The following CSMD1 variants were observed in gnomAD, a reference collection of about 807,000 sequenced individuals.
CSMD1 encodes the protein CUB and Sushi multiple domains 1, also known as CUB and sushi domain-containing protein 1.
A neutral mutation model predicts 417.5 loss-of-function variants in CSMD1; 213 were observed. The observed-to-expected ratio is 0.51, with a 90% CI of 0.46 to 0.57. CSMD1 has a LOEUF of 0.57. CSMD1 is among the 20% of genes least tolerant of loss of function. The probability of loss-of-function intolerance (pLI) is 0.00; values close to 1 mark genes in which losing one functional copy is unlikely to be tolerated. For missense variants in CSMD1, 6,923 were observed against 4,529.7 expected, an observed-to-expected ratio of 1.53 and a Z score of -15.17; for synonymous variants, 2,862 against 1,736.8, an observed-to-expected ratio of 1.65 and a Z score of -16.11.
chr8:3,349,995 G>C (rs115119892), intron 21 of CSMD1, among the ~76,000 whole-genome samples: 12 of 141,224 alleles, frequency 8.5e-5, no homozygotes, highest in African/African-American at 2.9e-4. Context: ...ACTTGTGTAT[G>C]TGTTATAATA....
intron 15 of CSMD1, among the ~76,000 whole-genome samples, chr8:3,404,332 C>G (rs1812222016): frequency 7.4e-5 from 1 of 13,590 alleles, no homozygotes; most frequent in Non-Finnish European, 1.5e-4. Context: ...CAGACGCTAT[C>G]TCAAAAAAAA....
intron 1 of CSMD1, among the ~76,000 whole-genome samples, chr8:4,765,371 T>A (rs1812396527): frequency 1.3e-5 from 2 of 152,186 alleles, no homozygotes; most frequent in Admixed American, 1.3e-4. Flanking sequence ...AAGAAGCACA[T>A]CATCGGATTG....
At chr8:3,565,159 A>AAAAAAG (rs1554471702) in intron 10 of CSMD1, among the ~76,000 whole-genome samples, 1 of 138,024 alleles carries the variant, frequency 7.2e-6, no homozygotes, top group Admixed American at 7.8e-5. Context: ...AAAAAAAAAA[A>AAAAAAG]AGAGAGAGAT....
At chr8:4,487,332 C>T (rs1801468167) in intron 2 of CSMD1, among the ~76,000 whole-genome samples, 1 of 152,164 alleles carries the variant, frequency 6.6e-6, no homozygotes, top group Non-Finnish European at 1.5e-5. Context: ...CTCCCCACAA[C>T]AGTCCCCAGA....
chr8:3,270,605 C>T (rs1801774016), intron 26 of CSMD1, among the ~76,000 whole-genome samples: 1 of 152,074 alleles, frequency 6.6e-6, no homozygotes. Context: ...CAGATGCAGC[C>T]CTTTTATTAT....
At chr8:3,915,823 G>A (rs567439791) in intron 5 of CSMD1, among the ~76,000 whole-genome samples, 1 of 143,226 alleles carries the variant, frequency 7.0e-6, no homozygotes, top group South Asian at 2.4e-4. Context: ...ATGCATTTTG[G>A]GGTTTAACAT....
Position 4,200,404 on chromosome 8 carries a change from T to C in CSMD1, c.416-168305A>G, listed in dbSNP as rs575149257. ...ACTTTAAAAAGCAGAAAAAAATTAA[T>C]GAAAATTTGATTTAAAAGAATAACC... On this transcript the variant is annotated intron_variant, in intron 3 of 69. Transcript: ENST00000635120. 2.2e-3 allele frequency among the ~76,000 whole-genome samples: 328 copies of C among 152,292 alleles called. 1 individual carries two copies. The highest frequency in any genetic ancestry group is 7.7e-3 in the African/African-American group (318 of 41,568).
intron 2 of CSMD1, among the ~76,000 whole-genome samples, chr8:4,509,007 G>A (rs1802680998): frequency 6.6e-6 from 1 of 151,892 alleles, no homozygotes; most frequent in South Asian, 2.1e-4. Flanking sequence ...GTGTTACCAG[G>A]GTGAGAAAAG....
intron 10 of CSMD1, among the ~76,000 whole-genome samples, chr8:3,508,353 G>T (rs112255873): frequency 7.0e-6 from 1 of 143,000 alleles, no homozygotes; most frequent in East Asian, 2.2e-4. Flanking sequence ...ACGGGGGCCT[G>T]TTATGGGGCA....
intron 3 of CSMD1, among the ~76,000 whole-genome samples, chr8:4,054,783 G>C (rs2554531): frequency 0.9 from 137,366 of 152,152 alleles, 62,210 homozygotes; most frequent in East Asian, 0.99. Flanking sequence ...CTACCTTCAA[G>C]TGGACGAACA....
At chr8:4,377,393 C>A (rs1042466555) in intron 3 of CSMD1, among the ~76,000 whole-genome samples, 1 of 152,128 alleles carries the variant, frequency 6.6e-6, no homozygotes, top group Non-Finnish European at 1.5e-5. Context: ...GTCGTTATAT[C>A]TAAACTACTT....
chr8:4,450,854 G>A (rs937365663), intron 2 of CSMD1, among the ~76,000 whole-genome samples: 2 of 152,050 alleles, frequency 1.3e-5, no homozygotes, highest in Non-Finnish European at 2.9e-5. Context: ...GGATGTGAGA[G>A]GAACAATTGT....
At chr8:3,574,359 G>T (rs112806712) in intron 10 of CSMD1, among the ~76,000 whole-genome samples, 12 of 152,304 alleles carry the variant, frequency 7.9e-5, no homozygotes, top group African/African-American at 2.9e-4. Context: ...CTGGGCCTCA[G>T]CCTCTCGAAT....
Position 2,935,491 on chromosome 8 carries a change from T to C in CSMD1, c.*3094A>G, listed in dbSNP as rs1801391154. The stretch of plus-strand genomic sequence containing the variant: ...TGTTCATTTTAACAGGCCACTTTAA[T>C]ATTAATACATGTGTAATAGGATTGG... On this transcript the variant is annotated 3_prime_UTR_variant, in exon 70 of 70. Transcript: ENST00000635120. 1 of 152,206 alleles carries C rather than the reference T, an allele frequency of 6.6e-6. No individual in the cohort carries two copies. Among genetic ancestry groups the C allele is most frequent in the Non-Finnish European group, 1.5e-5 (1 of 68,038 alleles). The allele number at this position is 152,206 out of a possible 1,614,324, so 9.4% of individuals were successfully genotyped here. A position where few individuals can be genotyped will look rare whatever the true frequency, so the allele number is the denominator to read the frequency against.
intron 1 of CSMD1, among the ~76,000 whole-genome samples, chr8:4,744,936 A>T (rs1810860120): frequency 6.6e-6 from 1 of 152,206 alleles, no homozygotes; most frequent in African/African-American, 2.4e-5. Flanking sequence ...TCAACATTTT[A>T]AAAAATAGTT....
At chr8:4,977,524 G>C (rs977946742) in intron 1 of CSMD1, among the ~76,000 whole-genome samples, 2 of 152,154 alleles carry the variant, frequency 1.3e-5, no homozygotes, top group Non-Finnish European at 2.9e-5. Context: ...TAAATTCACA[G>C]AGCTCCCTTT....
intron 6 of CSMD1, among the ~76,000 whole-genome samples, chr8:3,724,823 T>C (rs1193980780): frequency 2.0e-5 from 3 of 152,248 alleles, no homozygotes; most frequent in African/African-American, 4.8e-5. Context: ...GTAGGTATTT[T>C]CTTATCACAT....
At chr8:4,739,391 A>G (rs962071531) in intron 1 of CSMD1, among the ~76,000 whole-genome samples, 2 of 152,186 alleles carry the variant, frequency 1.3e-5, no homozygotes, top group East Asian at 1.9e-4. Context: ...CATATTCCCT[A>G]TTTAGTGGCC....
chr8:4,770,546 A>G (rs1378587729), intron 1 of CSMD1, among the ~76,000 whole-genome samples: 3 of 151,942 alleles, frequency 2.0e-5, no homozygotes, highest in African/African-American at 7.2e-5. Flanking sequence ...AAGGCATTAC[A>G]CTTCCTGATT....
Sources: allele counts gnomAD v4.1 joint callset (sites outside exome capture counted in the v4.1 genomes callset), GRCh38; gene constraint gnomAD v4.1.1; transcripts MANE v1.5; gene names NCBI Gene and HGNC (gene_info 2026-07-23, HGNC 2026-07-21).